Variants in ARMC10 observed in about 807,000 individuals in gnomAD.
ARMC10 encodes the protein armadillo repeat-containing protein 10.
ARMC10 carries 23 observed loss-of-function variants against 30.2 expected under a neutral mutation model. The observed-to-expected ratio is 0.76, with a 90% confidence interval of 0.55 to 1.08. The LOEUF is 1.08. Ranked by LOEUF, ARMC10 falls within the 50% of genes least tolerant of loss-of-function variation. The pLI is 0.00. For synonymous variants in ARMC10, 111 were observed against 164.4 expected (o/e 0.68, Z 2.48); for missense variants, 303 against 413.7 (o/e 0.73, Z 2.32).
intron 2 of ARMC10, 103 bp from the exon 3 acceptor site, chr7:103,083,579 T>C: frequency 3.0e-6 from 3 of 1,002,318 alleles, no homozygotes; most frequent in South Asian, 1.6e-5. Context: ...TGAGCCATGA[T>C]TGTGCCACCG....
chr7:103,091,896 G>C (rs1801370654), intron 4 of ARMC10, among the ~76,000 whole-genome samples: 1 of 152,188 alleles, frequency 6.6e-6, no homozygotes, highest in Non-Finnish European at 1.5e-5. Context: ...TTGTCTGCAA[G>C]ATAGCCGTAA....
intron 4 of ARMC10, among the ~76,000 whole-genome samples, chr7:103,091,499 T>C (rs1226145473): frequency 1.4e-5 from 2 of 148,106 alleles, no homozygotes; most frequent in East Asian, 4.0e-4. Flanking sequence ...TATATATATA[T>C]ATATATATAT....
intron 5 of ARMC10, among the ~76,000 whole-genome samples, chr7:103,093,853 T>C (rs1261398409): frequency 6.6e-6 from 1 of 152,226 alleles, no homozygotes; most frequent in Non-Finnish European, 1.5e-5. Flanking sequence ...TGTGTTTTCA[T>C]ATATTTTTTG....
intron 5 of ARMC10, chr7:103,097,017 G>A (rs1170714707): frequency 4.1e-6 from 2 of 488,342 alleles, no homozygotes; most frequent in Non-Finnish European, 7.3e-6. Context: ...TCTCCCTAAC[G>A]ATGTAATTGG....
intron 3 of ARMC10, 22 bp downstream of exon 3, chr7:103,083,852 G>GCAAGCT: frequency 6.2e-7 from 1 of 1,610,044 alleles, no homozygotes; most frequent in Non-Finnish European, 8.5e-7. Flanking sequence ...AACTCAGCAA[G>GCAAGCT]CAAGCTCTTT....
intron 5 of ARMC10, chr7:103,095,589 G>C (rs1801691088): frequency 6.6e-6 from 1 of 152,162 alleles, no homozygotes; most frequent in Non-Finnish European, 1.5e-5. Flanking sequence ...ATTTCCCTGA[G>C]TTAGTACCCC....
chr7:103,083,771 G>A lies in ARMC10; in HGVS notation c.334G>A (p.Val112Ile). The A allele has an allele frequency of 6.2e-7, 1 of 1,614,150 alleles. No homozygotes were observed. Among genetic ancestry groups the A allele is most frequent in the Non-Finnish European group, 8.5e-7 (1 of 1,179,990 alleles). Reference sequence around the variant, plus strand: ...CCTGCTGGAGTCAACGGAGGATCCTGTAATTATTGAAAGAGCTTTGATTAC... The same window carrying A: ...CCTGCTGGAGTCAACGGAGGATCCTATAATTATTGAAAGAGCTTTGATTAC... ...LYLLESTEDPVIIERALITLG... is the reference protein window; with the variant it reads ...LYLLESTEDPIIIERALITLG... The change falls in exon 3 of 7, where the codon GTA becomes ATA. Residue 112 changes from valine (V) to isoleucine (I), a missense_variant. Physicochemically the swap from Val to Ile is conservative, Grantham distance 29. Transcript: ENST00000323716.
Position 103,099,694 on chromosome 7 carries a change from C to CTGTT in ARMC10, c.*1144_*1147dup, listed in dbSNP as rs1054256066. ...TGCCTTCTACGTACACACTGTTCTA[C>CTGTT]TGTTTGAATTTTTTAATATGAGCCC... On this transcript the variant is annotated 3_prime_UTR_variant, in exon 7 of 7. Transcript: ENST00000323716. 2.3e-4 allele frequency: 34 copies of CTGTT among 150,364 alleles called. No homozygotes were observed. The highest frequency in any genetic ancestry group is 7.3e-4 in the African/African-American group (30 of 41,102). The allele number at this position is 150,364 out of a possible 1,614,324, so 9.3% of individuals were successfully genotyped here.
intron 4 of ARMC10, chr7:103,087,750 TTAGA>T: frequency 1.0e-6 from 1 of 983,622 alleles, no homozygotes; most frequent in Non-Finnish European, 1.2e-6. Context: ...TGTATTTAGT[TTAGA>T]TAAAGACTTC....
chr7:103,094,384 G>A (rs2129524211), intron 5 of ARMC10, among the ~76,000 whole-genome samples: 1 of 152,270 alleles, frequency 6.6e-6, no homozygotes, highest in African/African-American at 2.4e-5. Context: ...CCATATATTT[G>A]TTTAATCTGT....
chr7:103,088,611 G>GT (rs1339266585), intron 4 of ARMC10: 1 of 171,674 alleles, frequency 5.8e-6, no homozygotes, highest in East Asian at 1.6e-4. Context: ...AAAAGATTGT[G>GT]TAAGTAAAAC....
intron 4 of ARMC10, among the ~76,000 whole-genome samples, chr7:103,090,522 G>A (rs185582851): frequency 2.0e-5 from 3 of 152,106 alleles, no homozygotes; most frequent in Admixed American, 6.5e-5. Flanking sequence ...GTTTTGAGAC[G>A]GAGTCTCACT....
At chr7:103,091,092 T>C (rs1801276938) in intron 4 of ARMC10, among the ~76,000 whole-genome samples, 1 of 152,162 alleles carries the variant, frequency 6.6e-6, no homozygotes. Context: ...TTTGCTTAAG[T>C]GATTAGTAGT....
chr7:103,087,053 A>C, intron 4 of ARMC10: 1 of 520,840 alleles, frequency 1.9e-6, no homozygotes, highest in Non-Finnish European at 2.9e-6. Flanking sequence ...GCACCAACCA[A>C]ATAGTGAATA....
chr7:103,078,439 CCTT>C (rs1337574537), intron 2 of ARMC10, among the ~76,000 whole-genome samples: 1 of 152,236 alleles, frequency 6.6e-6, no homozygotes, highest in African/African-American at 2.4e-5. Flanking sequence ...GCTCTGCACT[CCTT>C]CTCTTTCCTG....
intron 2 of ARMC10, among the ~76,000 whole-genome samples, chr7:103,079,603 C>T (rs1391377194): frequency 1.3e-5 from 2 of 152,134 alleles, no homozygotes; most frequent in South Asian, 2.1e-4. Flanking sequence ...GAATTATAAT[C>T]GTAGGTGGCA....
chr7:103,097,500 A>G lies in ARMC10; in HGVS notation c.777+152A>G, dbSNP rs13226097. ...TTTTTTAAATTCATTTTGTATGTGT[A>G]AATTTCCTAAATTTTTTGCAATGAG... is the stretch of plus-strand genomic sequence containing the variant. On this transcript the variant is annotated intron_variant, in intron 6 of 6. Transcript: ENST00000323716. The G allele has an allele frequency of 0.95, 464,944 of 487,294 alleles. 225,279 individuals are homozygous for G. Among genetic ancestry groups the G allele is most frequent in the East Asian group, 1 (30,972 of 30,976 alleles). The allele number at this position is 487,294 out of a possible 1,614,324, so 30.2% of individuals were successfully genotyped here.
At chr7:103,081,824 G>A (rs1362688255) in intron 2 of ARMC10, 1 of 453,434 alleles carries the variant, frequency 2.2e-6, no homozygotes, top group Non-Finnish European at 4.4e-6. Context: ...ACAACTTCAG[G>A]GCTGTGTAGG....
intron 3 of ARMC10, among the ~76,000 whole-genome samples, chr7:103,085,867 G>A (rs1370003785): frequency 6.6e-6 from 1 of 151,902 alleles, no homozygotes; most frequent in Non-Finnish European, 1.5e-5. Flanking sequence ...CACTCATCTC[G>A]GCCTCCCAAA....
Sources: gnomAD v4.1 joint callset for allele counts (sites outside exome capture counted in the v4.1 genomes callset) on GRCh38, gnomAD v4.1.1 for gene constraint, MANE v1.5 for transcripts, NCBI Gene and HGNC (gene_info 2026-07-23, HGNC 2026-07-21) for gene names.